The following COL6A6 variants were observed in gnomAD, a reference collection of about 807,000 sequenced individuals.
COL6A6 encodes collagen type VI alpha 6 chain, also known as collagen alpha-6(VI) chain.
In COL6A6, 183 loss-of-function variants were observed where a neutral mutation model predicts 208.6. The ratio of observed to expected loss-of-function variants is 0.88; its 90% CI spans 0.78 to 0.99. The LOEUF is 0.99. COL6A6 is among the 50% of genes least tolerant of loss of function. The pLI is 0.00. For missense variants in COL6A6, 2,816 were observed against 2,815.2 expected, an observed-to-expected ratio of 1.00 and a Z score of -0.01; for synonymous variants, 973 against 1,011.8, an observed-to-expected ratio of 0.96 and a Z score of 0.73.
At chr3:130,595,056 TTTTCTCAAGAATA>T (rs1207636532) in intron 18 of COL6A6, among the ~76,000 whole-genome samples, 1 of 152,162 alleles carries the variant, frequency 6.6e-6, no homozygotes, top group African/African-American at 2.4e-5. Flanking sequence ...CTCCAAGAAT[TTTTCTCAAGAATA>T]TCAGTCTCAT....
chr3:130,622,341 A>G (rs907470637), intron 24 of COL6A6, among the ~76,000 whole-genome samples: 4 of 151,900 alleles, frequency 2.6e-5, no homozygotes, highest in South Asian at 4.2e-4. Flanking sequence ...TTGGTCATTG[A>G]TTCCATCCTC....
At chr3:130,518,214 G>T (rs1009141830) in intron 1 of COL6A6, among the ~76,000 whole-genome samples, 2 of 152,164 alleles carry the variant, frequency 1.3e-5, no homozygotes, top group Non-Finnish European at 2.9e-5. Context: ...GAGGGGTGGT[G>T]ACGGTGATTA....
intron 11 of COL6A6, among the ~76,000 whole-genome samples, chr3:130,588,183 G>T (rs1293150544): frequency 6.6e-6 from 1 of 152,108 alleles, no homozygotes; most frequent in Admixed American, 6.5e-5. Flanking sequence ...TGTCAGAAAA[G>T]GAACATTATA....
At chr3:130,603,973 G>T (rs1445473764) in intron 20 of COL6A6, among the ~76,000 whole-genome samples, 1 of 152,080 alleles carries the variant, frequency 6.6e-6, no homozygotes. Flanking sequence ...TTCCTGACGT[G>T]CCCATTCACA....
intron 22 of COL6A6, among the ~76,000 whole-genome samples, chr3:130,609,424 C>T (rs945051707): frequency 1.3e-5 from 2 of 152,182 alleles, no homozygotes. Flanking sequence ...ACTCAGCCTG[C>T]CCTTGCCAGC....
At chr3:130,534,414 ATTTC>A (rs1236900304) in intron 1 of COL6A6, among the ~76,000 whole-genome samples, 7 of 152,004 alleles carry the variant, frequency 4.6e-5, no homozygotes, top group African/African-American at 1.5e-4. Flanking sequence ...ATAGTAGCTT[ATTTC>A]TTATTTATGA....
chr3:130,577,223 G>A (rs1382653294), intron 8 of COL6A6, among the ~76,000 whole-genome samples: 2 of 152,092 alleles, frequency 1.3e-5, no homozygotes, highest in Non-Finnish European at 2.9e-5. Flanking sequence ...GGAAACTGGG[G>A]TTCAAGGGAA....
chr3:130,549,709 A>T (rs2062599803), intron 1 of COL6A6, among the ~76,000 whole-genome samples: 1 of 152,072 alleles, frequency 6.6e-6, no homozygotes, highest in Non-Finnish European at 1.5e-5. Context: ...GTAGGTGTGC[A>T]GCCTTATGTC....
chr3:130,573,674 C>T (rs1560012069), intron 7 of COL6A6, among the ~76,000 whole-genome samples: 1 of 149,516 alleles, frequency 6.7e-6, no homozygotes, highest in Non-Finnish European at 1.5e-5. Flanking sequence ...TCACGCCATT[C>T]TCCTGACTCA....
intron 33 of COL6A6, among the ~76,000 whole-genome samples, chr3:130,655,982 T>G: frequency 6.6e-6 from 1 of 152,218 alleles, no homozygotes; most frequent in Admixed American, 6.5e-5. Flanking sequence ...AGGCTGTGGC[T>G]GGACCAGGTG....
In COL6A6 at chr3:130,640,175, C is replaced by T. The variant is rs188948389; in HGVS notation, c.5092-1477C>T. Among the ~76,000 whole-genome samples, 64 of 152,294 alleles carry T rather than the reference C, an allele frequency of 4.2e-4. 1 individual carries two copies. The East Asian group carries it at 4.4e-3, about 11-fold the overall frequency. ...CCTCACCTCCACTTCTGGAGGTTCCCGGTGCTGCCAAATCCTCAGCCTTCT... is the reference window on the plus strand; with the variant it reads ...CCTCACCTCCACTTCTGGAGGTTCCTGGTGCTGCCAAATCCTCAGCCTTCT... On this transcript the variant is annotated intron_variant, in intron 28 of 36. Coordinates refer to ENST00000358511, the MANE Select transcript of COL6A6 (RefSeq NM_001102608.3).
rs1645347603 is a variant in COL6A6 at position 130,593,073 on chromosome 3, G to A, written c.4384G>A (p.Glu1462Lys). 1 of 1,613,486 alleles carries A rather than the reference G, an allele frequency of 6.2e-7. No individual in the cohort carries two copies. Among genetic ancestry groups the A allele is most frequent in the Non-Finnish European group, 8.5e-7 (1 of 1,179,532 alleles). Reference protein sequence around the residue: ...GLNGQEGEVGENGIDGLNGEQ... With the variant: ...GLNGQEGEVGKNGIDGLNGEQ... ...TCTATCTTTTCAGGGAGAAGTTGGG[G>A]AAAATGGAATTGACGGATTAAACGG... Residue 1462 changes from glutamate to lysine, a missense_variant, in exon 16 of 37, where the codon GAA (glutamate) becomes AAA (lysine). Glu to Lys is a moderately conservative substitution (Grantham distance 56). Coordinates refer to ENST00000358511, the MANE Select transcript of COL6A6 (RefSeq NM_001102608.3).
intron 34 of COL6A6, among the ~76,000 whole-genome samples, chr3:130,659,035 G>C (rs1382441193): frequency 1.1e-4 from 17 of 152,144 alleles, no homozygotes; most frequent in Non-Finnish European, 2.2e-4. Flanking sequence ...AAACAGTAAT[G>C]ATTCTTAGAA....
chr3:130,603,894 G>C (rs776419562), intron 20 of COL6A6, among the ~76,000 whole-genome samples: 93 of 152,118 alleles, frequency 6.1e-4, no homozygotes, highest in Non-Finnish European at 1.0e-3. Flanking sequence ...GCCAGGCTTT[G>C]GGGGAATGAA....
At chr3:130,552,504 C>G (rs1440106171) in intron 1 of COL6A6, among the ~76,000 whole-genome samples, 1 of 152,004 alleles carries the variant, frequency 6.6e-6, no homozygotes, top group East Asian at 1.9e-4. Flanking sequence ...TTCCTTCATG[C>G]CTTTACTTTG....
chr3:130,528,425 C>T (rs992779576), intron 1 of COL6A6, among the ~76,000 whole-genome samples: 1 of 152,120 alleles, frequency 6.6e-6, no homozygotes, highest in Non-Finnish European at 1.5e-5. Context: ...CTTTAAGTAG[C>T]AATGGAATAG....
chr3:130,661,932 C>T lies in COL6A6; in HGVS notation c.6126C>T (p.Arg2042=). Residue 2042 remains arginine, a synonymous_variant, in exon 35 of 37, where the codon CGC becomes CGT. Transcript: ENST00000358511. ...EFNLTTYRSK[R]LMKRHVHESV... is the part of the protein sequence containing the mutation. ...ATCTTACCACCTACAGAAGTAAGCG[C>T]CTCATGAAGAGGCATGTGCACGAGT... 1 of 1,613,986 alleles carries T rather than the reference C, an allele frequency of 6.2e-7. No individual in the cohort carries two copies.
At chr3:130,585,091 G>A (rs559178864) in intron 10 of COL6A6, among the ~76,000 whole-genome samples, 26 of 152,186 alleles carry the variant, frequency 1.7e-4, no homozygotes, top group African/African-American at 6.0e-4. Context: ...CCAAGTCCTT[G>A]AACATTTATC....
chr3:130,565,378 CA>C lies in COL6A6; in HGVS notation c.1050del (p.Ala351GlnfsTer10). 1.2e-6 allele frequency: 2 copies of C among 1,613,932 alleles called. No homozygotes were observed. The highest frequency in any genetic ancestry group is 1.7e-6 in the Non-Finnish European group (2 of 1,179,892). On this transcript the variant is annotated frameshift_variant, in exon 4 of 37. Coordinates refer to ENST00000358511, the MANE Select transcript of COL6A6 (RefSeq NM_001102608.3). LOFTEE classifies it high-confidence loss of function. ...CACCGAGATTCAGAAGACAACGTGA[CA>C]AAAGCAGCTGTTAACCTCCGACGGG... is the stretch of plus-strand genomic sequence containing the variant. Reference protein sequence around the residue: ...VTHRDSEDNVTKAAVNLRREG... With the variant: ...VTHRDSEDNVXKAAVNLRREG...
Sources: allele counts gnomAD v4.1 joint callset (sites outside exome capture counted in the v4.1 genomes callset), GRCh38; gene constraint gnomAD v4.1.1; transcripts MANE v1.5; gene names NCBI Gene and HGNC (gene_info 2026-07-23, HGNC 2026-07-21).